ACSM3: variants seen among roughly 807,000 people sequenced by gnomAD.
The protein encoded by ACSM3 is acyl-coenzyme A synthetase ACSM3, mitochondrial.
ACSM3 carries 61 observed loss-of-function variants against 74.1 expected under a neutral mutation model. The ratio of observed to expected loss-of-function variants is 0.82; its 90% confidence interval spans 0.67 to 1.02. The LOEUF is 1.02. Ranked by LOEUF, ACSM3 falls within the 50% of genes least tolerant of loss-of-function variation. The pLI is 0.00. For synonymous variants in ACSM3, 213 were observed against 241.5 expected (o/e 0.88, Z 1.09); for missense variants, 660 against 697.0 (o/e 0.95, Z 0.60).
At chr16:20,689,150 C>T (rs2079608343) in intron 1 of ACSM3, among the ~76,000 whole-genome samples, 1 of 151,442 alleles carries the variant, frequency 6.6e-6, no homozygotes, top group Non-Finnish European at 1.5e-5. Flanking sequence ...AGGATTTTTA[C>T]ATTTAATTTT....
At chr16:20,690,971 T>C in intron 1 of ACSM3, 1 of 1,595,906 alleles carries the variant, frequency 6.3e-7, no homozygotes. Flanking sequence ...CTTGTTCTTA[T>C]ATCGCCATCA....
intron 1 of ACSM3, among the ~76,000 whole-genome samples, chr16:20,682,896 T>C (rs896925387): frequency 6.6e-6 from 1 of 152,076 alleles, no homozygotes; most frequent in East Asian, 1.9e-4. Flanking sequence ...ATCTTGAATG[T>C]CCCCTCTTTC....
intron 1 of ACSM3, among the ~76,000 whole-genome samples, chr16:20,696,361 G>C (rs1488305961): frequency 6.6e-6 from 1 of 152,136 alleles, no homozygotes; most frequent in Non-Finnish European, 1.5e-5. Context: ...ACAAAGCTTA[G>C]TTTGTCTATT....
In ACSM3 at chr16:20,775,920, G is replaced by A. The variant is rs777803030; in HGVS notation, c.301G>A (p.Gly101Arg). The change falls in exon 3 of 14, where the codon GGA becomes AGA. Residue 101 changes from glycine to arginine, a missense_variant. Transcript: ENST00000289416. ...GATGCGATGGAGTTTTGAGGAACTG[G>A]GATCTCTGTCCAGAAAATTTGCCAA... ...EEMRWSFEEL[G>R]SLSRKFANIL... 9 of 1,614,112 alleles carry A rather than the reference G, an allele frequency of 5.6e-6. No individual in the cohort carries two copies. Among genetic ancestry groups the A allele is most frequent in the Admixed American group, 1.7e-5 (1 of 60,020 alleles).
chr16:20,711,884 A>G (rs147124416), intron 1 of ACSM3, among the ~76,000 whole-genome samples: 36 of 152,302 alleles, frequency 2.4e-4, no homozygotes, highest in African/African-American at 5.8e-4. Flanking sequence ...CTAGTGGTCT[A>G]TAATGAGTAT....
intron 9 of ACSM3, among the ~76,000 whole-genome samples, chr16:20,788,816 T>C (rs1372742864): frequency 6.6e-6 from 1 of 152,234 alleles, no homozygotes; most frequent in Non-Finnish European, 1.5e-5. Flanking sequence ...CCATCAATAA[T>C]TCCTTCATAC....
At chr16:20,697,600 C>T (rs911402291) in intron 1 of ACSM3, 1 of 128,434 alleles carries the variant, frequency 7.8e-6, no homozygotes, top group East Asian at 2.3e-4. Flanking sequence ...CACACACACA[C>T]ACACAGATAG....
rs1468086538 is a variant in ACSM3 at position 20,728,387 on chromosome 16, G to C, written c.-189-21523G>C. On this transcript the variant is annotated intron_variant, in intron 1 of 3. Coordinates refer to the ACSM3 transcript ENST00000561584. The stretch of plus-strand genomic sequence containing the variant: ...AAAATCAATTGTTTCTTTCATTCTA[G>C]ATTATAGATGAAAATGGCAATGTTC... 3 of 1,424,298 alleles carry C rather than the reference G, an allele frequency of 2.1e-6. No individual in the cohort carries two copies. In the East Asian group the frequency reaches 7.0e-5, roughly 33 times the overall value. The allele number at this position is 1,424,298 out of a possible 1,614,324, so 88.2% of individuals were successfully genotyped here. A position where few individuals can be genotyped will look rare whatever the true frequency, so the allele number is the denominator to read the frequency against.
intron 1 of ACSM3, among the ~76,000 whole-genome samples, chr16:20,698,189 CA>C (rs759884200): frequency 0.21 from 15,700 of 75,132 alleles, 752 homozygotes; most frequent in South Asian, 0.33. Flanking sequence ...GACTCTGTCT[CA>C]AAAAAAAAAA....
At chr16:20,789,424 A>C in intron 9 of ACSM3, 1 of 1,289,522 alleles carries the variant, frequency 7.8e-7, no homozygotes, top group Non-Finnish European at 1.1e-6. Context: ...TAGACACTTC[A>C]GGGAATGATG....
In ACSM3 at chr16:20,790,070, G is replaced by GCGTT. The variant is rs2080564199; in HGVS notation, c.1225-515_1225-512dup. Among the ~76,000 whole-genome samples, 1 of 152,036 alleles carries GCGTT rather than the reference G, an allele frequency of 6.6e-6. No individual in the cohort carries two copies. Among genetic ancestry groups the GCGTT allele is most frequent in the Non-Finnish European group, 1.5e-5 (1 of 68,010 alleles). On this transcript the variant is annotated intron_variant, in intron 9 of 13. Transcript: ENST00000289416. This position sits in a 1 kb window ranked among gnomAD's most constrained non-coding sequence, Gnocchi z 4.0. ...TAAAATTTTTAAAAAATTTTATCCT[G>GCGTT]CGTTCACATGTTGGTAACCTGTATT...
chr16:20,724,197 TC>T lies in ACSM3; in HGVS notation c.-189-25712del, dbSNP rs559623178. Among the ~76,000 whole-genome samples, 114 of 152,252 alleles carry T rather than the reference TC, an allele frequency of 7.5e-4. 2 individuals are homozygous for T. Among genetic ancestry groups the T allele is most frequent in the South Asian group, 4.4e-3 (21 of 4,818 alleles). ...TCAAAGATCAGGTAGTTGTAGATAT[TC>T]ATCCCTGGGATGCAAGGCTGGTTCA... On this transcript the variant is annotated intron_variant, in intron 1 of 3. Transcript: ENST00000561584.
intron 2 of ACSM3, among the ~76,000 whole-genome samples, chr16:20,772,686 T>C (rs2080207451): frequency 6.6e-6 from 1 of 152,186 alleles, no homozygotes; most frequent in Non-Finnish European, 1.5e-5. Context: ...TGGGTTTAGT[T>C]CTGGGTTATC....
At chr16:20,761,817 G>A (rs1478551244), upstream of ACSM3, among the ~76,000 whole-genome samples, 1 of 152,148 alleles carries the variant, frequency 6.6e-6, no homozygotes, top group South Asian at 2.1e-4. Context: ...AGGCAAAATG[G>A]CAGATTTTAA....
At chr16:20,786,987 C>G (rs2080488208) in intron 9 of ACSM3, among the ~76,000 whole-genome samples, 1 of 152,206 alleles carries the variant, frequency 6.6e-6, no homozygotes, top group Admixed American at 6.5e-5. Context: ...TGCTCCCAAG[C>G]CTGCCTGGCC....
chr16:20,690,889 G>T, intron 1 of ACSM3: 1 of 1,082,578 alleles, frequency 9.2e-7, no homozygotes, highest in Non-Finnish European at 1.3e-6. Flanking sequence ...ACACTGATAA[G>T]TTGAGGCAGA....
chr16:20,706,859 G>C (rs1390881900), intron 1 of ACSM3, among the ~76,000 whole-genome samples: 1 of 152,098 alleles, frequency 6.6e-6, no homozygotes, highest in African/African-American at 2.4e-5. Context: ...GACCCAGAGA[G>C]AGACATGTCC....
At position 20,778,181 on chromosome 16, in the gene ACSM3, A is replaced by T. The variant is rs185784048; in HGVS notation, c.638+601A>T. On this transcript the variant is annotated intron_variant, in intron 4 of 13. Coordinates refer to ENST00000289416, the MANE Select transcript of ACSM3 (RefSeq NM_005622.4). ...CACTGGTATCAGGTTAAAAGAAAAA[A>T]TGCTTAATGTTAATGGATGCAATTA... Among the ~76,000 whole-genome samples the T allele has an allele frequency of 2.4e-3, 367 of 152,326 alleles. 6 individuals are homozygous for T. The highest frequency in any genetic ancestry group is 2.4e-4 in the Non-Finnish European group (16 of 68,034).
rs749288358 is a variant in ACSM3 at position 20,790,901 on chromosome 16, T to C, written c.1326+213T>C. ...CTGGTCCCCTGAGGCCAGATCACTGTTCCAGGTCCACGAAGGCAAGAGGAA... is the reference window on the plus strand; with the variant it reads ...CTGGTCCCCTGAGGCCAGATCACTGCTCCAGGTCCACGAAGGCAAGAGGAA... On this transcript the variant is annotated intron_variant, in intron 10 of 13. Transcript: ENST00000289416. This position sits in a 1 kb window ranked among gnomAD's most constrained non-coding sequence, Gnocchi z 4.0. 6.8e-6 allele frequency: 11 copies of C among 1,614,064 alleles called. No homozygotes were observed. The highest frequency in any genetic ancestry group is 6.8e-6 in the Non-Finnish European group (8 of 1,179,976).
Sources: allele counts gnomAD v4.1 joint callset (sites outside exome capture counted in the v4.1 genomes callset), GRCh38; gene constraint gnomAD v4.1.1; non-coding constraint Gnocchi (gnomAD v3.1); transcripts MANE v1.5; gene names NCBI Gene and HGNC (gene_info 2026-07-23, HGNC 2026-07-21).